The following PXK variants were observed in gnomAD, a reference collection of about 807,000 sequenced individuals.
The protein encoded by PXK is PX domain-containing protein kinase-like protein.
PXK carries 35 observed loss-of-function variants against 84.7 expected under a neutral mutation model. The ratio of observed to expected loss-of-function variants is 0.41; its 90% confidence interval spans 0.32 to 0.55. The LOEUF (loss-of-function observed/expected upper bound fraction) is 0.55. PXK is among the 20% of genes least tolerant of loss of function. The pLI, the probability that PXK is intolerant of heterozygous loss-of-function variation, is 0.21. For missense variants in PXK, 634 were observed against 699.7 expected, an observed-to-expected ratio of 0.91 and a Z score of 1.06; for synonymous variants, 253 against 260.8, an observed-to-expected ratio of 0.97 and a Z score of 0.29.
intron 3 of PXK, among the ~76,000 whole-genome samples, chr3:58,376,588 G>A (rs2098444932): frequency 6.6e-6 from 1 of 152,002 alleles, no homozygotes; most frequent in Non-Finnish European, 1.5e-5. Context: ...TAGTTTCAGG[G>A]AAGATACATC....
At chr3:58,420,679 A>G (rs924746744) in intron 17 of PXK, 1 of 1,512,936 alleles carries the variant, frequency 6.6e-7, no homozygotes, top group Non-Finnish European at 8.8e-7. Context: ...GGGAAAGCAG[A>G]TTTGAGACTA....
intron 1 of PXK, among the ~76,000 whole-genome samples, chr3:58,342,856 G>A (rs993201434): frequency 6.6e-6 from 1 of 152,144 alleles, no homozygotes; most frequent in Non-Finnish European, 1.5e-5. Context: ...TGCCTGGCGC[G>A]TTTAAGTGTG....
At chr3:58,346,340 G>C (rs2097818965) in intron 1 of PXK, among the ~76,000 whole-genome samples, 1 of 152,056 alleles carries the variant, frequency 6.6e-6, no homozygotes. Flanking sequence ...GAGAGTCAAG[G>C]ATGCTAATGG....
In PXK at chr3:58,399,841, T is replaced by C. The variant is rs2058292792; in HGVS notation, c.1181+464T>C. Reference sequence around the variant, plus strand: ...TGTTTCTGAGCACCCATGCTTCTGCTTGTGAATTTACTCACTGGGTACTAT... The same window carrying C: ...TGTTTCTGAGCACCCATGCTTCTGCCTGTGAATTTACTCACTGGGTACTAT... On this transcript the variant is annotated intron_variant, in intron 12 of 17. Coordinates refer to ENST00000356151, the MANE Select transcript of PXK (RefSeq NM_017771.5). The surrounding 1 kb of genome is among the most constrained non-coding windows in gnomAD (Gnocchi z 4.3). Among the ~76,000 whole-genome samples, 1 of 152,042 alleles carries C rather than the reference T, an allele frequency of 6.6e-6. No individual in the cohort carries two copies. The highest frequency in any genetic ancestry group is 6.6e-5 in the Admixed American group (1 of 15,258).
chr3:58,425,194 G>C lies in PXK; in HGVS notation c.*234G>C. The C allele has an allele frequency of 1.8e-6, 1 of 548,928 alleles. No individual in the cohort carries two copies. The highest frequency in any genetic ancestry group is 2.3e-5 in the South Asian group (1 of 44,336). The allele number at this position is 548,928 out of a possible 1,614,324, so 34.0% of individuals were successfully genotyped here. On this transcript the variant is annotated 3_prime_UTR_variant, in exon 18 of 18. Transcript: ENST00000356151. ...GCTCCTTTATTAACCCTGTAAAGGAGTCTTGTTTATCCTCTAATGGCCAGG... is the reference window on the plus strand; with the variant it reads ...GCTCCTTTATTAACCCTGTAAAGGACTCTTGTTTATCCTCTAATGGCCAGG...
chr3:58,420,986 C>T, intron 17 of PXK: 3 of 1,011,144 alleles, frequency 3.0e-6, no homozygotes, highest in Non-Finnish European at 3.5e-6. Flanking sequence ...AGACAACTTA[C>T]TGGCTTTTAT....
rs887355818 is a variant in PXK at position 58,410,220 on chromosome 3, G to C, written c.1465+61G>C. 8 of 1,331,112 alleles carry C rather than the reference G, an allele frequency of 6.0e-6. No homozygotes were observed. In the Admixed American group the frequency reaches 1.4e-4, roughly 23 times the overall value. The allele number at this position is 1,331,112 out of a possible 1,614,324, so 82.5% of individuals were successfully genotyped here. On this transcript the variant is annotated intron_variant, in intron 16 of 17. Transcript: ENST00000356151. ...CAGAGATCAGGATCAGGAGTCTCTA[G>C]TTGGTCAAGAGGTCTTGAGTTCTGC...
chr3:58,360,234 G>A (rs534663132), intron 1 of PXK, among the ~76,000 whole-genome samples: 4 of 152,192 alleles, frequency 2.6e-5, no homozygotes, highest in African/African-American at 7.2e-5. Flanking sequence ...ATAATTGAGC[G>A]GATATTGTTG....
At chr3:58,342,991 C>T (rs1252927664) in intron 1 of PXK, among the ~76,000 whole-genome samples, 2 of 152,200 alleles carry the variant, frequency 1.3e-5, no homozygotes, top group African/African-American at 4.8e-5. Context: ...AACAAGGCTG[C>T]TCACATTTCT....
chr3:58,410,370 T>C (rs1484984744), intron 16 of PXK, among the ~76,000 whole-genome samples: 1 of 152,142 alleles, frequency 6.6e-6, no homozygotes, highest in Non-Finnish European at 1.5e-5. Flanking sequence ...TCTGAGGTAA[T>C]TGGGTAGCTC....
rs200767194 is a variant in PXK, at chr3:58,425,006, C to T, written c.*46C>T. The T allele has an allele frequency of 3.1e-6, 5 of 1,601,882 alleles. No homozygotes were observed. The East Asian group carries it at 6.7e-5, about 21-fold the overall frequency. On this transcript the variant is annotated 3_prime_UTR_variant, in exon 18 of 18. Transcript: ENST00000356151. ...AGGGAAAAGTTCTTTTTTATTCCTA[C>T]TCACCCCTACCCCCCAAACTACCCT...
chr3:58,359,423 C>T (rs1025509241), intron 1 of PXK, among the ~76,000 whole-genome samples: 4 of 150,830 alleles, frequency 2.7e-5, no homozygotes, highest in Admixed American at 1.3e-4. Flanking sequence ...CCCAGCTACT[C>T]GGGAGGCTGA....
chr3:58,410,757 G>A (rs577894161), intron 16 of PXK, among the ~76,000 whole-genome samples: 13 of 152,310 alleles, frequency 8.5e-5, no homozygotes, highest in Non-Finnish European at 1.8e-4. Flanking sequence ...GGGCCTTCCA[G>A]TTTTTCTAAT....
At chr3:58,406,332 G>A (rs1310780302) in intron 13 of PXK, among the ~76,000 whole-genome samples, 1 of 150,732 alleles carries the variant, frequency 6.6e-6, no homozygotes, top group Non-Finnish European at 1.5e-5. Flanking sequence ...CTGGAGTGCA[G>A]TGGTGCAATG....
Position 58,425,826 on chromosome 3 carries a change from G to C in PXK, c.*866G>C, listed in dbSNP as rs926412002. On this transcript the variant is annotated 3_prime_UTR_variant, in exon 18 of 18. Coordinates refer to ENST00000356151, the MANE Select transcript of PXK (RefSeq NM_017771.5). Reference sequence around the variant, plus strand: ...TCAATATAGCATCTCTTTAATGTTAGTCATTTATTAGAAAGATCCTTTATC... The same window carrying C: ...TCAATATAGCATCTCTTTAATGTTACTCATTTATTAGAAAGATCCTTTATC... 6.6e-6 allele frequency: 1 copy of C among 152,108 alleles called. No individual in the cohort carries two copies. Among genetic ancestry groups the C allele is most frequent in the African/African-American group, 2.4e-5 (1 of 41,410 alleles). The allele number at this position is 152,108 out of a possible 1,614,324, so 9.4% of individuals were successfully genotyped here.
Position 58,409,673 on chromosome 3 carries a change from A to G in PXK, c.1395+55A>G. ...TATGAGTTCTTGAGTACATGTGAAG[A>G]AAGTTCTAGGTTAATGGTGCCCATT... On this transcript the variant is annotated intron_variant, in intron 15 of 17. Coordinates refer to ENST00000356151, the MANE Select transcript of PXK (RefSeq NM_017771.5). This position sits in a 1 kb window ranked among gnomAD's most constrained non-coding sequence, Gnocchi z 4.2. The G allele has an allele frequency of 7.0e-7, 1 of 1,427,978 alleles. No individual in the cohort carries two copies. Among genetic ancestry groups the G allele is most frequent in the Non-Finnish European group, 9.7e-7 (1 of 1,036,244 alleles). 88.5% of individuals were successfully genotyped at this position (1,427,978 alleles called of 1,614,324 possible). A position where few individuals can be genotyped will look rare whatever the true frequency, so the allele number is the denominator to read the frequency against.
intron 17 of PXK, chr3:58,423,221 GTTAC>G: frequency 1.0e-6 from 1 of 982,950 alleles, no homozygotes; most frequent in East Asian, 1.1e-4. Flanking sequence ...CACTTCAACA[GTTAC>G]TTCAGGTTTA....
chr3:58,378,115 A>G (rs1016395245), intron 3 of PXK, among the ~76,000 whole-genome samples: 4 of 152,200 alleles, frequency 2.6e-5, no homozygotes, highest in Non-Finnish European at 5.9e-5. Context: ...GTATGCAGGC[A>G]CATTTGAAAA....
intron 17 of PXK, among the ~76,000 whole-genome samples, chr3:58,424,439 T>C (rs1348867287): frequency 6.6e-6 from 1 of 152,222 alleles, no homozygotes; most frequent in East Asian, 1.9e-4. Flanking sequence ...TTGGGGACTA[T>C]TACTTTGCAA....
Sources: gnomAD v4.1 joint callset for allele counts (sites outside exome capture counted in the v4.1 genomes callset) on GRCh38, gnomAD v4.1.1 for gene constraint, Gnocchi (gnomAD v3.1) non-coding constraint, MANE v1.5 for transcripts, NCBI Gene and HGNC (gene_info 2026-07-23, HGNC 2026-07-21) for gene names.